Variants in CCDC24 observed in about 807,000 individuals in gnomAD.
The protein encoded by CCDC24 is coiled-coil domain containing 24, also known as coiled-coil domain-containing protein 24.
CCDC24 carries 34 observed loss-of-function variants against 31.6 expected under a neutral mutation model. The observed-to-expected ratio is 1.08, with a 90% CI of 0.82 to 1.43. The LOEUF (loss-of-function observed/expected upper bound fraction) is 1.43. Ranked by LOEUF, CCDC24 falls within the 40% of genes most tolerant of loss-of-function variation. CCDC24 has a pLI of 0.00. For missense variants in CCDC24, 426 were observed against 391.1 expected (o/e 1.09, Z -0.75); for synonymous variants, 175 against 157.3 (o/e 1.11, Z -0.84).
At chr1:43,994,375 G>C (rs150159801) in intron 5 of CCDC24, 2 of 194,406 alleles carry the variant, frequency 1.0e-5, no homozygotes, top group Admixed American at 5.3e-5. Flanking sequence ...TTGAGCCCTG[G>C]AAGGTAAGGC....
At chr1:43,993,995 G>T in intron 5 of CCDC24, 31 bp downstream of exon 5, 3 of 1,572,084 alleles carry the variant, frequency 1.9e-6, no homozygotes, top group Non-Finnish European at 2.6e-6. Context: ...CATGTGTATA[G>T]GCAGGGGTGG....
rs906216242 is a variant in CCDC24, at chr1:43,996,098, A to G, written c.862A>G (p.Ser288Gly). Residue 288 changes from serine to glycine, a missense_variant, in exon 9 of 9, where the codon AGC becomes GGC. Coordinates refer to ENST00000372318, the MANE Select transcript of CCDC24 (RefSeq NM_152499.4). ...THRWGRQLQC[S>G]PREGPASTPM... Reference sequence around the variant, plus strand: ...CCGCTGGGGACGGCAGCTTCAGTGCAGCCCCAGGGAAGGGCCAGCTTCCAC... The same window carrying G: ...CCGCTGGGGACGGCAGCTTCAGTGCGGCCCCAGGGAAGGGCCAGCTTCCAC... 1.2e-6 allele frequency: 2 copies of G among 1,613,786 alleles called. No homozygotes were observed. Among genetic ancestry groups the G allele is most frequent in the Non-Finnish European group, 1.7e-6 (2 of 1,179,900 alleles).
rs2085746087 is a variant in CCDC24 at position 43,991,708 on chromosome 1, C to T, written c.-71C>T. ...GCGCCAAGGACTGGCAGTTCCGGAA[C>T]GGGCAATCCCAGCCGAGGGGACCAG... On this transcript the variant is annotated 5_prime_UTR_variant, in exon 1 of 9. It adds an upstream start codon to the 5' untranslated region. Coordinates refer to ENST00000372318, the MANE Select transcript of CCDC24 (RefSeq NM_152499.4). The T allele has an allele frequency of 1.1e-6, 1 of 882,456 alleles. No homozygotes were observed. The highest frequency in any genetic ancestry group is 1.8e-6 in the Non-Finnish European group (1 of 550,000). 54.7% of individuals were successfully genotyped at this position (882,456 alleles called of 1,614,324 possible).
chr1:43,994,042 A>G, intron 5 of CCDC24, 78 bp downstream of exon 5: 1 of 1,307,614 alleles, frequency 7.6e-7, no homozygotes, highest in Admixed American at 1.8e-5. Context: ...GGATTGTGAG[A>G]CAGGAGGTGG....
In CCDC24 at chr1:43,991,872, G is replaced by A. The variant is rs886415882; in HGVS notation, c.-7G>A. 5 of 1,552,012 alleles carry A rather than the reference G, an allele frequency of 3.2e-6. No individual in the cohort carries two copies. In the Admixed American group the frequency reaches 9.7e-5, roughly 30 times the overall value. ...GTCCGAGCCGGGGACGGCGGCGTCG[G>A]TGGGTCATGCTCCGGCACTCCCCCT... is the stretch of plus-strand genomic sequence containing the variant. On this transcript the variant is annotated 5_prime_UTR_variant, in exon 2 of 9. The change creates a new upstream start codon in the 5' untranslated region. Coordinates refer to ENST00000372318, the MANE Select transcript of CCDC24 (RefSeq NM_152499.4).
At position 43,992,237 on chromosome 1, in the gene CCDC24, A is replaced by G; in HGVS notation, c.152A>G (p.Gln51Arg). The G allele has an allele frequency of 6.2e-7, 1 of 1,613,312 alleles. No individual in the cohort carries two copies. Among genetic ancestry groups the G allele is most frequent in the South Asian group, 1.1e-5 (1 of 91,002 alleles). ...AEVAMLRALL[Q>R]EARSSQAPSS... ...GTGGCGATGTTACGGGCACTGCTCCAAGAGGCTCGATCCTCTCAAGCCCCC... is the reference window on the plus strand; with the variant it reads ...GTGGCGATGTTACGGGCACTGCTCCGAGAGGCTCGATCCTCTCAAGCCCCC... Residue 51 changes from glutamine (Q) to arginine (R), a missense_variant, in exon 3 of 9, where the codon CAA becomes CGA. By Grantham distance (43) the Gln-to-Arg change is conservative. Transcript: ENST00000372318.
At chr1:43,992,112 TG>T in intron 2 of CCDC24, 99 bp from the exon 3 acceptor site, 1 of 1,512,956 alleles carries the variant, frequency 6.6e-7, no homozygotes, top group Non-Finnish European at 8.9e-7. Flanking sequence ...GATCCTATCC[TG>T]GTCTCCCCTT....
rs781393209 is a variant in CCDC24, at chr1:43,993,838, A to C, written c.420-49A>C. On this transcript the variant is annotated intron_variant, in intron 4 of 8. Coordinates refer to ENST00000372318, the MANE Select transcript of CCDC24 (RefSeq NM_152499.4). ...CCTAGAAGTGATATTTGGGTCCTGA[A>C]GGCCTGGGGTGAGCAACATGCGGAG... The C allele has an allele frequency of 1.9e-6, 3 of 1,570,616 alleles. No homozygotes were observed. The Admixed American group carries it at 5.0e-5, about 26-fold the overall frequency.
At chr1:43,991,769 GC>G (rs1378434829) in intron 1 of CCDC24, 23 bp downstream of exon 1, 1 of 1,373,816 alleles carries the variant, frequency 7.3e-7, no homozygotes, top group Non-Finnish European at 1.0e-6. Context: ...AGAGGGCGGG[GC>G]CCATAGAGGG....
In CCDC24 at chr1:43,992,107, T is replaced by C. The variant is rs2085755612; in HGVS notation, c.126+103T>C. On this transcript the variant is annotated intron_variant, in intron 2 of 8. Transcript: ENST00000372318. ...CCCTGCCGGGTAACTCCCGAGATCCTATCCTGGTCTCCCCTTTGACTCCGC... is the reference window on the plus strand; with the variant it reads ...CCCTGCCGGGTAACTCCCGAGATCCCATCCTGGTCTCCCCTTTGACTCCGC... The C allele has an allele frequency of 6.6e-6, 10 of 1,509,910 alleles. No homozygotes were observed. The East Asian group carries it at 2.0e-4, about 31-fold the overall frequency. 93.5% of individuals were successfully genotyped at this position (1,509,910 alleles called of 1,614,324 possible). A position where few individuals can be genotyped will look rare whatever the true frequency, so the allele number is the denominator to read the frequency against.
Position 43,993,930 on chromosome 1 carries a change from G to T in CCDC24, c.463G>T (p.Val155Leu). The change falls in exon 5 of 9, where the codon GTG (valine) becomes TTG (leucine). Residue 155 changes from valine to leucine, a missense_variant. Coordinates refer to ENST00000372318, the MANE Select transcript of CCDC24 (RefSeq NM_152499.4). The part of the protein sequence containing the change: ...DLSIIKDQLN[V>L]SNIDQVARHL... ...CAGCATCATCAAGGACCAACTGAAC[G>T]TGTCCAACATTGACCAGGTGGCCAG... 1 of 1,614,202 alleles carries T rather than the reference G, an allele frequency of 6.2e-7. No individual in the cohort carries two copies. The highest frequency in any genetic ancestry group is 8.5e-7 in the Non-Finnish European group (1 of 1,180,032).
intron 1 of CCDC24, 37 bp from the exon 2 acceptor site, chr1:43,991,810 C>T (rs1246274211): frequency 2.0e-6 from 3 of 1,536,116 alleles, no homozygotes; most frequent in East Asian, 2.5e-5. Flanking sequence ...GCCGGCGGGC[C>T]CGCGGTACCT....
intron 2 of CCDC24, 57 bp from the exon 3 acceptor site, chr1:43,992,155 C>G: frequency 6.4e-7 from 1 of 1,551,942 alleles, no homozygotes; most frequent in Non-Finnish European, 8.8e-7. Flanking sequence ...TCCCCCAGCC[C>G]CCACCATTCC....
At chr1:43,994,155 A>G in intron 5 of CCDC24, 191 bp downstream of exon 5, 1 of 587,800 alleles carries the variant, frequency 1.7e-6, no homozygotes, top group South Asian at 2.0e-5. Context: ...AGCCAAGTAC[A>G]GATGCCACGG....
chr1:43,991,829 C>G lies in CCDC24; in HGVS notation c.-32-18C>G. 1 of 1,544,404 alleles carries G rather than the reference C, an allele frequency of 6.5e-7. No homozygotes were observed. The highest frequency in any genetic ancestry group is 8.7e-7 in the Non-Finnish European group (1 of 1,144,260). On this transcript the variant is annotated intron_variant, in intron 1 of 8. Transcript: ENST00000372318. ...GCGGGCCCGCGGTACCTCCCGCACT[C>G]TGACCTGCGGCCCGTAGGTCCGAGC...
rs2085823162 is a variant in CCDC24, at chr1:43,995,426, T to C, written c.553-175T>C. ...TAAGTCTGGGTACAGGCCCCACCACTATCTTGCCAAACTCAGCTCTTCCGC... is the reference window on the plus strand; with the variant it reads ...TAAGTCTGGGTACAGGCCCCACCACCATCTTGCCAAACTCAGCTCTTCCGC... On this transcript the variant is annotated intron_variant, in intron 6 of 8. Transcript: ENST00000372318. The surrounding 1 kb of genome is among the most constrained non-coding windows in gnomAD (Gnocchi z 4.3). The C allele has an allele frequency of 1.3e-6, 1 of 762,346 alleles. No individual in the cohort carries two copies. Among genetic ancestry groups the C allele is most frequent in the Non-Finnish European group, 2.1e-6 (1 of 481,278 alleles). The allele number at this position is 762,346 out of a possible 1,614,324, so 47.2% of individuals were successfully genotyped here.
intron 4 of CCDC24, 28 bp downstream of exon 4, chr1:43,992,667 T>C: frequency 1.9e-6 from 3 of 1,601,546 alleles, no homozygotes; most frequent in Non-Finnish European, 2.6e-6. Context: ...GAGAGGGATC[T>C]GTCCCTGCTT....
rs1157685940 is a variant in CCDC24, at chr1:43,993,295, AT to A, written c.420-591del. On this transcript the variant is annotated intron_variant, in intron 4 of 8. Transcript: ENST00000372318. ...ATCTTTACAAAAAGTGAAAAAAAAA[AT>A]AGTCAGGTGAGGTGGCGCATGCCTG... Among the ~76,000 whole-genome samples the A allele has an allele frequency of 4.7e-4, 71 of 151,366 alleles. 1 individual carries two copies. The highest frequency in any genetic ancestry group is 2.1e-3 in the South Asian group (10 of 4,772).
chr1:43,995,433 C>T lies in CCDC24; in HGVS notation c.553-168C>T. ...GGGTACAGGCCCCACCACTATCTTG[C>T]CAAACTCAGCTCTTCCGCAAGGCTG... On this transcript the variant is annotated intron_variant, in intron 6 of 8. Coordinates refer to ENST00000372318, the MANE Select transcript of CCDC24 (RefSeq NM_152499.4). The surrounding 1 kb of genome is among the most constrained non-coding windows in gnomAD (Gnocchi z 4.3). 1.3e-6 allele frequency: 1 copy of T among 797,776 alleles called. No homozygotes were observed. Among genetic ancestry groups the T allele is most frequent in the Non-Finnish European group, 1.9e-6 (1 of 512,822 alleles). 49.4% of individuals were successfully genotyped at this position (797,776 alleles called of 1,614,324 possible).
Sources: gnomAD v4.1 joint callset for allele counts (sites outside exome capture counted in the v4.1 genomes callset) on GRCh38, gnomAD v4.1.1 for gene constraint, Gnocchi (gnomAD v3.1) non-coding constraint, MANE v1.5 for transcripts, NCBI Gene and HGNC (gene_info 2026-07-23, HGNC 2026-07-21) for gene names.